IL1RAPL1: variants seen among roughly 807,000 people sequenced by gnomAD.
IL1RAPL1 encodes the protein interleukin-1 receptor accessory protein-like 1.
IL1RAPL1 carries 3 observed loss-of-function variants against 48.4 expected under a neutral mutation model. That is an observed-to-expected ratio of 0.06 (90% CI 0.03 to 0.16). The LOEUF (loss-of-function observed/expected upper bound fraction) is 0.16. Ranked by LOEUF, IL1RAPL1 falls within the 10% of genes least tolerant of loss-of-function variation. The probability of loss-of-function intolerance (pLI) is 1.00; values close to 1 mark genes in which losing one functional copy is unlikely to be tolerated. For synonymous variants in IL1RAPL1, 185 were observed against 187.7 expected (o/e 0.99, Z 0.12); for missense variants, 349 against 530.6 (o/e 0.66, Z 3.36).
intron 5 of IL1RAPL1, among the ~76,000 whole-genome samples, chrX:29,590,686 C>T (rs949993940): frequency 8.9e-6 from 1 of 111,763 alleles, no homozygotes; most frequent in Non-Finnish European, 1.9e-5. Context: ...CTCAAAACTC[C>T]ACCTCAGACA....
chrX:29,280,237 T>C (rs920431065), intron 2 of IL1RAPL1, among the ~76,000 whole-genome samples: 1 of 112,159 alleles, frequency 8.9e-6, no homozygotes, highest in Non-Finnish European at 1.9e-5. Context: ...TGTGTAGTTT[T>C]TTCCTCCTGT....
In IL1RAPL1 at chrX:28,628,786, T is replaced by C. The variant is rs191154135; in HGVS notation, c.-25+40739T>C. The stretch of plus-strand genomic sequence containing the variant: ...ATACCCTGATATGGAGCACAGATTA[T>C]ACACACATCGTTTCTCTGAATTCAT... On this transcript the variant is annotated intron_variant, in intron 1 of 10. Coordinates refer to ENST00000378993, the MANE Select transcript of IL1RAPL1 (RefSeq NM_014271.4). 4.4e-5 allele frequency among the ~76,000 whole-genome samples: 5 copies of C among 112,451 alleles called. No homozygotes were observed. The East Asian group carries it at 1.4e-3, about 32-fold the overall frequency.
intron 5 of IL1RAPL1, among the ~76,000 whole-genome samples, chrX:29,428,334 G>C (rs1432209169): frequency 8.9e-6 from 1 of 111,769 alleles, no homozygotes; most frequent in African/African-American, 3.3e-5. Context: ...GCACCGGATA[G>C]TGTGAAAATT....
chrX:29,673,143 T>A (rs976230124), intron 6 of IL1RAPL1, among the ~76,000 whole-genome samples: 6 of 112,278 alleles, frequency 5.3e-5, no homozygotes, highest in African/African-American at 1.9e-4. Context: ...TACATTTTAT[T>A]ACAGATCATA....
At chrX:28,838,791 A>C (rs1921291414) in intron 2 of IL1RAPL1, among the ~76,000 whole-genome samples, 1 of 111,209 alleles carries the variant, frequency 9.0e-6, no homozygotes, top group East Asian at 2.8e-4. Context: ...ATGTATAAGC[A>C]TTAAATTAAC....
chrX:28,859,417 G>A (rs1027598959), intron 2 of IL1RAPL1, among the ~76,000 whole-genome samples: 17 of 111,018 alleles, frequency 1.5e-4, no homozygotes, highest in Non-Finnish European at 7.5e-5. Flanking sequence ...GTGCCACTAC[G>A]CACAGCTAAT....
intron 2 of IL1RAPL1, among the ~76,000 whole-genome samples, chrX:29,236,510 C>CT (rs72369187): frequency 7.2e-4 from 60 of 83,686 alleles, no homozygotes; most frequent in Admixed American, 4.9e-3. Flanking sequence ...TATTCCTTCT[C>CT]TTTTTTTTTT....
At chrX:28,696,330 A>G (rs1230228282) in intron 1 of IL1RAPL1, among the ~76,000 whole-genome samples, 1 of 110,902 alleles carries the variant, frequency 9.0e-6, no homozygotes, top group Non-Finnish European at 1.9e-5. Flanking sequence ...GGGTTTTATT[A>G]TGTCTTAGAA....
chrX:29,664,374 G>GCAGTCC (rs1925937122), intron 5 of IL1RAPL1, among the ~76,000 whole-genome samples: 1 of 100,552 alleles, frequency 9.9e-6, no homozygotes, highest in African/African-American at 3.9e-5. Context: ...ACTGCACTCC[G>GCAGTCC]GCCTGGGCAA....
At chrX:29,908,507 C>T (rs1193884073) in intron 6 of IL1RAPL1, among the ~76,000 whole-genome samples, 1 of 109,722 alleles carries the variant, frequency 9.1e-6, no homozygotes, top group African/African-American at 3.3e-5. Context: ...TTGTCTGGAC[C>T]TAAAGTTCTA....
chrX:29,559,978 C>G (rs1922136212), intron 5 of IL1RAPL1, among the ~76,000 whole-genome samples: 2 of 111,585 alleles, frequency 1.8e-5, no homozygotes, highest in South Asian at 7.4e-4. Context: ...ATGTACTTAC[C>G]TTTACCAGTG....
chrX:29,076,184 C>G (rs907812361), intron 2 of IL1RAPL1, among the ~76,000 whole-genome samples: 1 of 111,848 alleles, frequency 8.9e-6, no homozygotes, highest in African/African-American at 3.2e-5. Context: ...TTCTTTCATA[C>G]TCATTGTTTC....
intron 1 of IL1RAPL1, among the ~76,000 whole-genome samples, chrX:28,752,992 C>A (rs1476529250): frequency 8.9e-6 from 1 of 112,289 alleles, no homozygotes. Flanking sequence ...ATCTCAGAAA[C>A]TTATCCTTTT....
Position 29,500,597 on chromosome X carries a change from T to G in IL1RAPL1, c.703+101289T>G, listed in dbSNP as rs181680717. 3.1e-3 allele frequency among the ~76,000 whole-genome samples: 348 copies of G among 112,298 alleles called. 2 individuals carry two copies. Among genetic ancestry groups the G allele is most frequent in the African/African-American group, 0.011 (341 of 30,994 alleles). ...GTTCATCCATGCTGCTGAAAATGATTTAATTATTTTTTATGGCGGAATAAT... is the reference window on the plus strand; with the variant it reads ...GTTCATCCATGCTGCTGAAAATGATGTAATTATTTTTTATGGCGGAATAAT... On this transcript the variant is annotated intron_variant, in intron 5 of 10. Transcript: ENST00000378993.
rs1217588153 is a variant in IL1RAPL1 at position 28,633,443 on chromosome X, G to A, written c.-25+45396G>A. Among the ~76,000 whole-genome samples the A allele has an allele frequency of 2.7e-5, 3 of 111,547 alleles. No homozygotes were observed. The East Asian group carries it at 8.5e-4, about 32-fold the overall frequency. ...TCAATACCACATTTTAGTGTTTTGT[G>A]CTAATAATAGTAAATATTGACTTTT... is the stretch of plus-strand genomic sequence containing the variant. On this transcript the variant is annotated intron_variant, in intron 1 of 10. Coordinates refer to ENST00000378993, the MANE Select transcript of IL1RAPL1 (RefSeq NM_014271.4).
intron 1 of IL1RAPL1, among the ~76,000 whole-genome samples, chrX:28,750,587 T>C (rs895327281): frequency 8.9e-6 from 1 of 111,945 alleles, no homozygotes; most frequent in African/African-American, 3.2e-5. Context: ...CATAGTCCTT[T>C]GTTATGTTAC....
chrX:28,755,001 G>GT (rs200865814), intron 1 of IL1RAPL1, among the ~76,000 whole-genome samples: 5,857 of 108,451 alleles, frequency 0.054, 311 homozygotes, highest in East Asian at 0.31. Context: ...TTTTTGTTTT[G>GT]TTTTTTTTTG....
At chrX:29,106,569 G>A (rs994320063) in intron 2 of IL1RAPL1, among the ~76,000 whole-genome samples, 6 of 111,393 alleles carry the variant, frequency 5.4e-5, no homozygotes, top group African/African-American at 2.0e-4. Flanking sequence ...GTGATTCAAT[G>A]AAGATTCATG....
At chrX:29,017,350 G>T (rs188464418) in intron 2 of IL1RAPL1, among the ~76,000 whole-genome samples, 3 of 111,983 alleles carry the variant, frequency 2.7e-5, no homozygotes, top group African/African-American at 6.5e-5. Flanking sequence ...TATAGTAAGC[G>T]TTTATCTCTC....
Sources: allele counts gnomAD v4.1 joint callset (sites outside exome capture counted in the v4.1 genomes callset), GRCh38; gene constraint gnomAD v4.1.1; transcripts MANE v1.5; gene names NCBI Gene and HGNC (gene_info 2026-07-23, HGNC 2026-07-21).